FBXW10B: variants seen among roughly 807,000 people sequenced by gnomAD.
The protein encoded by FBXW10B is F-box and WD repeat domain containing protein 10B.
At chr17:15,610,206 A>G in the FBXW10B span, among the ~76,000 whole-genome samples, 18 of 152,264 alleles carry the variant, frequency 1.2e-4, no homozygotes, top group East Asian at 3.3e-3. Context: ...AAGAGGAGAG[A>G]AAGGCGAAGG....
At chr17:15,602,215 G>A in the FBXW10B span, among the ~76,000 whole-genome samples, 1 of 151,924 alleles carries the variant, frequency 6.6e-6, no homozygotes. Flanking sequence ...CAGTTTTCAA[G>A]GAGGGGGATT....
At chr17:15,575,228 G>T in the FBXW10B span, among the ~76,000 whole-genome samples, 2 of 148,150 alleles carry the variant, frequency 1.3e-5, no homozygotes, top group Admixed American at 6.6e-5. Context: ...ACTTATTTTG[G>T]AATGTTTCCG....
chr17:15,566,859 C>T, the FBXW10B span, among the ~76,000 whole-genome samples: 2 of 151,602 alleles, frequency 1.3e-5, no homozygotes, highest in African/African-American at 2.4e-5. Context: ...CCACCACAGC[C>T]GGCCAATAAA....
chr17:15,576,846 T>C, the FBXW10B span, among the ~76,000 whole-genome samples: 1 of 149,582 alleles, frequency 6.7e-6, no homozygotes, highest in South Asian at 2.1e-4. Context: ...AGATGGAGTT[T>C]TAGAAATGAA....
At chr17:15,590,075 C>T in the FBXW10B span, among the ~76,000 whole-genome samples, 1 of 151,450 alleles carries the variant, frequency 6.6e-6, no homozygotes, top group African/African-American at 2.4e-5. Context: ...AAGCCGGCGG[C>T]GCTGCCTGGA....
the FBXW10B span, chr17:15,565,945 G>A: frequency 4.4e-6 from 7 of 1,595,878 alleles, no homozygotes; most frequent in East Asian, 1.4e-4. Flanking sequence ...AGAGAACCTG[G>A]AGCGGATAAT....
chr17:15,572,277 C>T, the FBXW10B span: 2 of 152,172 alleles, frequency 1.3e-5, no homozygotes, highest in African/African-American at 4.8e-5. Context: ...CCGCCTGCTT[C>T]ACCATGCAAC....
chr17:15,613,252 C>T, the FBXW10B span, among the ~76,000 whole-genome samples: 1 of 150,954 alleles, frequency 6.6e-6, no homozygotes, highest in Non-Finnish European at 1.5e-5. Context: ...GCCTTATAAA[C>T]ATCTGTGCTC....
At chr17:15,593,673 G>C in the FBXW10B span, 16 of 292,734 alleles carry the variant, frequency 5.5e-5, no homozygotes, top group Non-Finnish European at 7.5e-5. Context: ...TTGTTGCCCA[G>C]GCTGGAGTGC....
the FBXW10B span, among the ~76,000 whole-genome samples, chr17:15,579,796 T>A: frequency 6.6e-6 from 1 of 152,236 alleles, no homozygotes; most frequent in Non-Finnish European, 1.5e-5. Context: ...TTAAGTGCAA[T>A]AAATAGGCAC....
chr17:15,612,270 G>A, the FBXW10B span, among the ~76,000 whole-genome samples: 3 of 152,284 alleles, frequency 2.0e-5, no homozygotes, highest in Non-Finnish European at 4.4e-5. Context: ...CACTTTGGGA[G>A]GCCGAGGCGG....
the FBXW10B span, among the ~76,000 whole-genome samples, chr17:15,596,205 G>A: frequency 2.0e-5 from 3 of 151,832 alleles, no homozygotes; most frequent in Non-Finnish European, 1.5e-5. Context: ...GCAATACTCT[G>A]GAGGAGAAAA....
the FBXW10B span, among the ~76,000 whole-genome samples, chr17:15,580,994 A>C: frequency 2.0e-5 from 3 of 152,194 alleles, no homozygotes; most frequent in Non-Finnish European, 2.9e-5. Context: ...AATTTGCTCA[A>C]GATCACACGG....
the FBXW10B span, chr17:15,593,350 T>G: frequency 1.2e-6 from 2 of 1,613,940 alleles, no homozygotes; most frequent in Non-Finnish European, 1.7e-6. Flanking sequence ...TTGCCCTGAA[T>G]AAAGAAGGAC....
At chr17:15,617,424 G>A in the FBXW10B span, among the ~76,000 whole-genome samples, 1 of 152,010 alleles carries the variant, frequency 6.6e-6, no homozygotes, top group African/African-American at 2.4e-5. Flanking sequence ...TCCCCATGTT[G>A]GACCTTCCAC....
chr17:15,585,234 A>T, the FBXW10B span, among the ~76,000 whole-genome samples: 1 of 152,120 alleles, frequency 6.6e-6, no homozygotes, highest in Non-Finnish European at 1.5e-5. Context: ...TTTCATCTGG[A>T]AAATCATATT....
chr17:15,598,633 CCA>C, the FBXW10B span: 1 of 1,612,292 alleles, frequency 6.2e-7, no homozygotes, highest in Non-Finnish European at 8.5e-7. Flanking sequence ...TGTGCAAACC[CCA>C]CTTTTCAGAT....
chr17:15,610,406 C>T, the FBXW10B span, among the ~76,000 whole-genome samples: 1 of 152,136 alleles, frequency 6.6e-6, no homozygotes, highest in African/African-American at 2.4e-5. Context: ...TGTCTGTCCC[C>T]ATACATCTTT....
the FBXW10B span, among the ~76,000 whole-genome samples, chr17:15,577,905 A>G: frequency 7.3e-5 from 11 of 151,706 alleles, no homozygotes; most frequent in African/African-American, 2.7e-4. Context: ...TCATGTTAGC[A>G]TGAGGTCTAA....
Sources: allele counts gnomAD v4.1 joint callset (sites outside exome capture counted in the v4.1 genomes callset), GRCh38; gene constraint gnomAD v4.1.1; transcripts MANE v1.5; gene names NCBI Gene and HGNC (gene_info 2026-07-23, HGNC 2026-07-21).